The following FCHO2 variants were observed in gnomAD, a reference collection of about 807,000 sequenced individuals.
The protein encoded by FCHO2 is FCH and mu domain containing endocytic adaptor 2.
A neutral mutation model predicts 114.1 loss-of-function variants in FCHO2; 43 were observed. The observed-to-expected ratio is 0.38, with a 90% CI of 0.30 to 0.49. The LOEUF (loss-of-function observed/expected upper bound fraction) is 0.49. Among genes scored for constraint, FCHO2 ranks in the 20% least tolerant of loss-of-function variants. FCHO2 has a pLI of 0.97. For missense variants in FCHO2, 807 were observed against 950.4 expected (o/e 0.85, Z 1.98); for synonymous variants, 293 against 315.2 (o/e 0.93, Z 0.75).
At chr5:72,972,288 G>A (rs1342990435) in intron 2 of FCHO2, among the ~76,000 whole-genome samples, 1 of 151,268 alleles carries the variant, frequency 6.6e-6, no homozygotes, top group East Asian at 1.9e-4. Context: ...AAATTACCTT[G>A]GGCAGTATGG....
At chr5:73,074,075 C>G (rs1038605487) in intron 19 of FCHO2, among the ~76,000 whole-genome samples, 2 of 151,946 alleles carry the variant, frequency 1.3e-5, no homozygotes, top group Non-Finnish European at 2.9e-5. Flanking sequence ...AAACAGAAAC[C>G]TGAACACTTG....
At position 73,037,220 on chromosome 5, in the gene FCHO2, G is replaced by A. The variant is rs1212335758; in HGVS notation, c.914+5G>A. ...GGAAAAAGATGCAGAATCTGTGTAA[G>A]TATTTTAAATATCGTCAAAATCCTT... On this transcript the variant is annotated splice_donor_5th_base_variant and intron_variant, in intron 10 of 25. Transcript: ENST00000430046. The A allele has an allele frequency of 1.3e-6, 2 of 1,576,616 alleles. No homozygotes were observed. The highest frequency in any genetic ancestry group is 1.7e-6 in the Non-Finnish European group (2 of 1,162,750).
intron 2 of FCHO2, among the ~76,000 whole-genome samples, chr5:72,977,347 G>A (rs942859514): frequency 3.9e-5 from 6 of 152,138 alleles, no homozygotes; most frequent in Non-Finnish European, 1.5e-5. Flanking sequence ...ATCTCATTGT[G>A]GTTTTGATTT....
intron 2 of FCHO2, among the ~76,000 whole-genome samples, chr5:72,984,283 C>G (rs1305067301): frequency 6.6e-6 from 1 of 152,142 alleles, no homozygotes; most frequent in Non-Finnish European, 1.5e-5. Context: ...GATCAATTTG[C>G]TGCTATTTTA....
chr5:72,971,322 G>T (rs1752540398), intron 2 of FCHO2, among the ~76,000 whole-genome samples: 1 of 151,226 alleles, frequency 6.6e-6, no homozygotes, highest in African/African-American at 2.4e-5. Context: ...CACCAACAGT[G>T]TAAAAGTGTT....
chr5:73,019,717 G>C (rs1360104019), intron 8 of FCHO2, among the ~76,000 whole-genome samples: 2 of 152,188 alleles, frequency 1.3e-5, no homozygotes, highest in African/African-American at 4.8e-5. Context: ...GAATGCGTGA[G>C]GCTTTATAGG....
In FCHO2 at chr5:72,956,133, A is replaced by C; in HGVS notation, c.33+4A>C. Reference sequence around the variant, plus strand: ...GTATTTCGTCGAGAATTTTTGGGTAAGCTTAGGATGTTGGAAGTCGTGTGT... The same window carrying C: ...GTATTTCGTCGAGAATTTTTGGGTACGCTTAGGATGTTGGAAGTCGTGTGT... On this transcript the variant is annotated splice_donor_region_variant and intron_variant, in intron 1 of 25. Coordinates refer to ENST00000430046, the MANE Select transcript of FCHO2 (RefSeq NM_138782.3). The C allele has an allele frequency of 1.3e-6, 2 of 1,536,954 alleles. No individual in the cohort carries two copies. The highest frequency in any genetic ancestry group is 2.4e-5 in the South Asian group (2 of 82,288).
chr5:73,073,582 C>T (rs1742765608), intron 19 of FCHO2, among the ~76,000 whole-genome samples: 2 of 152,034 alleles, frequency 1.3e-5, no homozygotes, highest in Admixed American at 1.3e-4. Context: ...TGTGAAGAAG[C>T]TTCTAAATAC....
chr5:72,994,552 C>T (rs1040158256), intron 5 of FCHO2, among the ~76,000 whole-genome samples: 4 of 152,110 alleles, frequency 2.6e-5, no homozygotes, highest in African/African-American at 9.7e-5. Flanking sequence ...TTAATTCAGC[C>T]ATTGTGGAAA....
At chr5:72,957,652 A>G (rs575836293) in intron 1 of FCHO2, among the ~76,000 whole-genome samples, 1 of 152,316 alleles carries the variant, frequency 6.6e-6, no homozygotes, top group Non-Finnish European at 1.5e-5. Context: ...TGCTGCATGA[A>G]CATTTTTGTA....
chr5:72,966,070 C>T (rs1752183709), intron 1 of FCHO2, among the ~76,000 whole-genome samples: 1 of 152,122 alleles, frequency 6.6e-6, no homozygotes, highest in South Asian at 2.1e-4. Flanking sequence ...TTTTTCAAAT[C>T]TTGGACTCAC....
intron 19 of FCHO2, among the ~76,000 whole-genome samples, chr5:73,071,246 A>G (rs1053935847): frequency 1.3e-5 from 2 of 152,058 alleles, no homozygotes; most frequent in Non-Finnish European, 2.9e-5. Flanking sequence ...AGAAATGTCA[A>G]TAAATCTTAA....
rs1198724798 is a variant in FCHO2, at chr5:72,989,703, G to A, written c.200+202G>A. On this transcript the variant is annotated intron_variant, in intron 3 of 25. Transcript: ENST00000430046. ...TCAGTCAATGCAGTCAAAACTAAAT[G>A]AAATTTATTTTTTCCCTTTTTAAAA... Among the ~76,000 whole-genome samples the A allele has an allele frequency of 3.3e-5, 5 of 152,068 alleles. No individual in the cohort carries two copies. The South Asian group carries it at 6.2e-4, about 19-fold the overall frequency.
Position 73,062,443 on chromosome 5 carries a change from G to C in FCHO2, c.1346-1398G>C, listed in dbSNP as rs1039083118. ...CACAAGTTTGAAATAACATAGGCTA[G>C]TGCTAGTTTCATTGATGATGAACAT... is the stretch of plus-strand genomic sequence containing the variant. On this transcript the variant is annotated intron_variant, in intron 17 of 25. Coordinates refer to ENST00000430046, the MANE Select transcript of FCHO2 (RefSeq NM_138782.3). Among the ~76,000 whole-genome samples the C allele has an allele frequency of 3.3e-5, 5 of 152,088 alleles. No homozygotes were observed. In the East Asian group the frequency reaches 7.8e-4, roughly 24 times the overall value.
chr5:73,018,177 G>T (rs966905391), intron 8 of FCHO2, among the ~76,000 whole-genome samples: 2 of 152,090 alleles, frequency 1.3e-5, no homozygotes, highest in African/African-American at 4.8e-5. Context: ...TAGACCTAAG[G>T]CTTGAAACCT....
intron 12 of FCHO2, among the ~76,000 whole-genome samples, chr5:73,051,875 A>G (rs1401863797): frequency 2.0e-5 from 3 of 151,590 alleles, no homozygotes; most frequent in Admixed American, 6.6e-5. Flanking sequence ...TGGCCTTGAC[A>G]TATTTTTATT....
At chr5:73,051,526 G>T in intron 12 of FCHO2, 120 bp downstream of exon 12, 5 of 620,754 alleles carry the variant, frequency 8.1e-6, no homozygotes, top group Non-Finnish European at 7.8e-6. Flanking sequence ...ATGGTTCCTT[G>T]TTTGTCATTT....
Position 73,063,953 on chromosome 5 carries a change from T to C in FCHO2, c.1449+9T>C, listed in dbSNP as rs957623798. ...GTGGGATTAATGAAATAGTATGTAC[T>C]CAGGTTTTTTAAAAATTATTTAACT... On this transcript the variant is annotated intron_variant, in intron 18 of 25. Transcript: ENST00000430046. 6 of 1,593,910 alleles carry C rather than the reference T, an allele frequency of 3.8e-6. No homozygotes were observed. The highest frequency in any genetic ancestry group is 5.1e-6 in the Non-Finnish European group (6 of 1,167,886).
At chr5:73,018,523 C>CTT (rs70973220) in intron 8 of FCHO2, among the ~76,000 whole-genome samples, 9 of 132,110 alleles carry the variant, frequency 6.8e-5, no homozygotes, top group African/African-American at 1.9e-4. Context: ...TAACTTTCTT[C>CTT]TTTTTTTTTT....
Sources: allele counts gnomAD v4.1 joint callset (sites outside exome capture counted in the v4.1 genomes callset), GRCh38; gene constraint gnomAD v4.1.1; transcripts MANE v1.5; gene names NCBI Gene and HGNC (gene_info 2026-07-23, HGNC 2026-07-21).